SYNGR1: variants seen among roughly 807,000 people sequenced by gnomAD.
SYNGR1 encodes the protein synaptogyrin 1.
SYNGR1 carries 14 observed loss-of-function variants against 26.1 expected under a neutral mutation model. The observed-to-expected ratio is 0.54, with a 90% CI of 0.35 to 0.84. The LOEUF is 0.84. Ranked by LOEUF, SYNGR1 falls within the 40% of genes least tolerant of loss-of-function variation. The probability of loss-of-function intolerance (pLI) is 0.01; values close to 1 mark genes in which losing one functional copy is unlikely to be tolerated. For missense variants in SYNGR1, 319 were observed against 332.9 expected (o/e 0.96, Z 0.33); for synonymous variants, 141 against 150.1 (o/e 0.94, Z 0.44).
At chr22:39,351,844 G>C (rs146401079) in intron 1 of SYNGR1, among the ~76,000 whole-genome samples, 36 of 152,358 alleles carry the variant, frequency 2.4e-4, no homozygotes, top group African/African-American at 8.4e-4. Flanking sequence ...CCAGGAGAGG[G>C]GTCTCCCTGC....
chr22:39,362,311 G>A (rs1924514726), intron 1 of SYNGR1, among the ~76,000 whole-genome samples: 2 of 152,056 alleles, frequency 1.3e-5, no homozygotes, highest in African/African-American at 2.4e-5. Context: ...CCTGCCCAGC[G>A]GAGTCCACTC....
Position 39,361,106 on chromosome 22 carries a change from G to A in SYNGR1, c.99+10997G>A, listed in dbSNP as rs190768359. On this transcript the variant is annotated intron_variant, in intron 1 of 3. Coordinates refer to ENST00000328933, the MANE Select transcript of SYNGR1 (RefSeq NM_004711.5). Reference sequence around the variant, plus strand: ...CCTTCCTGGATTCTCCCAAGCTTGCGCTCCCCTCCCTGCTTCCCTTGGGCT... The same window carrying A: ...CCTTCCTGGATTCTCCCAAGCTTGCACTCCCCTCCCTGCTTCCCTTGGGCT... Among the ~76,000 whole-genome samples the A allele has an allele frequency of 5.1e-4, 78 of 152,278 alleles. No individual in the cohort carries two copies. The East Asian group carries it at 0.014, about 28-fold the overall frequency.
intron 1 of SYNGR1, among the ~76,000 whole-genome samples, chr22:39,369,885 C>A (rs1924939604): frequency 6.6e-6 from 1 of 152,224 alleles, no homozygotes; most frequent in African/African-American, 2.4e-5. Flanking sequence ...ATGGCTGAAC[C>A]ATGGGCTGAA....
chr22:39,358,666 C>G (rs1462866625), intron 1 of SYNGR1, among the ~76,000 whole-genome samples: 1 of 152,098 alleles, frequency 6.6e-6, no homozygotes, highest in African/African-American at 2.4e-5. Context: ...AAACTCCGGA[C>G]ACATCCGAAC....
chr22:39,363,325 T>A (rs1924577490), intron 1 of SYNGR1, among the ~76,000 whole-genome samples: 1 of 151,412 alleles, frequency 6.6e-6, no homozygotes, highest in Non-Finnish European at 1.5e-5. Flanking sequence ...AAGGGGATTG[T>A]CTGGCTGCTA....
intron 1 of SYNGR1, among the ~76,000 whole-genome samples, chr22:39,358,438 A>AT (rs1051909671): frequency 6.6e-6 from 1 of 152,112 alleles, no homozygotes; most frequent in Non-Finnish European, 1.5e-5. Context: ...GTTGCGATAA[A>AT]TTTTGCTACT....
intron 1 of SYNGR1, among the ~76,000 whole-genome samples, chr22:39,358,996 AG>A (rs1164581469): frequency 6.6e-6 from 1 of 152,212 alleles, no homozygotes; most frequent in East Asian, 1.9e-4. Flanking sequence ...ATCATGCAGG[AG>A]CTTTAACAAG....
intron 1 of SYNGR1, among the ~76,000 whole-genome samples, chr22:39,366,917 G>T (rs534824124): frequency 5.3e-5 from 8 of 152,204 alleles, no homozygotes; most frequent in African/African-American, 1.9e-4. Flanking sequence ...CGCCAGCCTC[G>T]CCTCTTGGTG....
chr22:39,357,465 G>A (rs1924195228), intron 1 of SYNGR1, among the ~76,000 whole-genome samples: 1 of 152,162 alleles, frequency 6.6e-6, no homozygotes, highest in Non-Finnish European at 1.5e-5. Flanking sequence ...GCCCACCACT[G>A]CACTGTGGGA....
intron 1 of SYNGR1, among the ~76,000 whole-genome samples, chr22:39,352,273 G>A (rs1021555596): frequency 6.6e-5 from 10 of 152,190 alleles, no homozygotes; most frequent in Non-Finnish European, 8.8e-5. Context: ...TGGATACAAG[G>A]CGCTCACTAC....
chr22:39,364,065 G>A (rs1169782374), intron 1 of SYNGR1: 4 of 1,493,232 alleles, frequency 2.7e-6, no homozygotes, highest in Non-Finnish European at 3.6e-6. Context: ...GCCCTGCAGT[G>A]GGTCCTAGGC....
intron 1 of SYNGR1, among the ~76,000 whole-genome samples, chr22:39,351,288 C>T (rs534155819): frequency 6.6e-6 from 1 of 152,318 alleles, no homozygotes; most frequent in Non-Finnish European, 1.5e-5. Context: ...TCCTCCTTTC[C>T]TTGGTTTTCA....
Position 39,382,128 on chromosome 22 carries a change from G to C in SYNGR1, c.*214G>C. On this transcript the variant is annotated 3_prime_UTR_variant, in exon 4 of 4. Transcript: ENST00000328933. ...ATCCCAGGGCATGTGCCCCGCAGGG[G>C]CCTAGAGGGTGGGGGCCAGGGGTAT... 3.2e-6 allele frequency: 2 copies of C among 616,794 alleles called. No individual in the cohort carries two copies. Among genetic ancestry groups the C allele is most frequent in the Non-Finnish European group, 2.9e-6 (1 of 349,908 alleles). The allele number at this position is 616,794 out of a possible 1,614,324, so 38.2% of individuals were successfully genotyped here.
intron 3 of SYNGR1, chr22:39,377,498 C>A: frequency 6.5e-7 from 1 of 1,548,084 alleles, no homozygotes; most frequent in South Asian, 1.2e-5. Context: ...GTCTGAAGTA[C>A]CTGACCAACA....
At chr22:39,357,284 T>A (rs990688074) in intron 1 of SYNGR1, among the ~76,000 whole-genome samples, 1 of 150,612 alleles carries the variant, frequency 6.6e-6, no homozygotes, top group Non-Finnish European at 1.5e-5. Context: ...AAAAGTGATG[T>A]TTGGAGCCAT....
At chr22:39,366,372 A>G (rs1185556999) in intron 1 of SYNGR1, among the ~76,000 whole-genome samples, 1 of 151,242 alleles carries the variant, frequency 6.6e-6, no homozygotes, top group African/African-American at 2.4e-5. Context: ...CAGGCCGGGC[A>G]TAGTGGCTCA....
chr22:39,363,435 G>C (rs1833414124), intron 1 of SYNGR1, among the ~76,000 whole-genome samples: 1 of 152,036 alleles, frequency 6.6e-6, no homozygotes, highest in Admixed American at 6.5e-5. Context: ...GGACTTGACA[G>C]TTTTGGGAGG....
At chr22:39,375,907 C>G (rs758921361) in intron 2 of SYNGR1, 145 bp from the exon 3 acceptor site, 9 of 1,102,520 alleles carry the variant, frequency 8.2e-6, no homozygotes, top group Admixed American at 3.4e-5. Flanking sequence ...CCCCTACCCC[C>G]TTTGCCTGTC....
In SYNGR1 at chr22:39,374,549, C is replaced by T; in HGVS notation, c.333C>T (p.Val111=). The T allele has an allele frequency of 6.2e-7, 1 of 1,613,150 alleles. No individual in the cohort carries two copies. The highest frequency in any genetic ancestry group is 1.3e-5 in the African/African-American group (1 of 75,054). The change falls in exon 2 of 4, where the codon GTC becomes GTT. Residue 111 remains valine (V), a synonymous_variant. Coordinates refer to ENST00000328933, the MANE Select transcript of SYNGR1 (RefSeq NM_004711.5). ...RKKAVLSDIG[V]SAFWAFLWFV... Reference sequence around the variant, plus strand: ...AAGCCGTCCTGTCCGACATCGGTGTCTCGGGTGAGCCCCACCCAGCAGGTA... The same window carrying T: ...AAGCCGTCCTGTCCGACATCGGTGTTTCGGGTGAGCCCCACCCAGCAGGTA...
Sources: allele counts gnomAD v4.1 joint callset (sites outside exome capture counted in the v4.1 genomes callset), GRCh38; gene constraint gnomAD v4.1.1; transcripts MANE v1.5; gene names NCBI Gene and HGNC (gene_info 2026-07-23, HGNC 2026-07-21).